Variants in SMPDL3B observed in about 807,000 individuals in gnomAD.
SMPDL3B encodes acid sphingomyelinase-like phosphodiesterase 3b.
SMPDL3B carries 31 observed loss-of-function variants against 37.9 expected under a neutral mutation model. The ratio of observed to expected loss-of-function variants is 0.82; its 90% CI spans 0.61 to 1.10. SMPDL3B has a LOEUF of 1.10. Among genes scored for constraint, SMPDL3B ranks in the 50% least tolerant of loss-of-function variants. SMPDL3B has a pLI of 0.00. For synonymous variants in SMPDL3B, 235 were observed against 242.6 expected (o/e 0.97, Z 0.29); for missense variants, 525 against 597.8 (o/e 0.88, Z 1.27).
intron 2 of SMPDL3B, 63 bp from the exon 3 acceptor site, chr1:27,949,002 C>A: frequency 1.2e-6 from 2 of 1,611,720 alleles, no homozygotes; most frequent in Non-Finnish European, 1.7e-6. Context: ...AGAGCTGTCC[C>A]TTCCTTTTCT....
intron 1 of SMPDL3B, among the ~76,000 whole-genome samples, chr1:27,936,882 G>A (rs1007195814): frequency 3.9e-5 from 6 of 152,094 alleles, no homozygotes; most frequent in South Asian, 2.1e-4. Context: ...TTAGCCAGGC[G>A]TGGTGATGAG....
rs76374093 is a variant in SMPDL3B, at chr1:27,945,199, C to T, written c.62-33C>T. 1 of 1,606,400 alleles carries T rather than the reference C, an allele frequency of 6.2e-7. No individual in the cohort carries two copies. The highest frequency in any genetic ancestry group is 8.5e-7 in the Non-Finnish European group (1 of 1,173,390). On this transcript the variant is annotated intron_variant, in intron 1 of 7. Transcript: ENST00000373894. This position sits in a 1 kb window ranked among gnomAD's most constrained non-coding sequence, Gnocchi z 4.0. ...CTTGCTTCCAGGCTGAGAGAGAGAC[C>T]AGCTTTGAAGGAGGATGTTTTTTCC...
chr1:27,943,679 C>A (rs79929012), intron 1 of SMPDL3B, among the ~76,000 whole-genome samples: 3,238 of 152,216 alleles, frequency 0.021, 114 homozygotes, highest in African/African-American at 0.074. Context: ...ATCTGCTCAA[C>A]CCTCCTTCAG....
Position 27,954,378 on chromosome 1 carries a change from CG to C in SMPDL3B, c.545del (p.Gly182ValfsTer22). On this transcript the variant is annotated frameshift_variant, in exon 5 of 8. Transcript: ENST00000373894. LOFTEE classifies it high-confidence loss of function. Reference protein sequence around the residue: ...KKGAFYCEKLPGPSGAGRIVV... With the variant: ...KKGAFYCEKLXGPSGAGRIVV... ...GGTGCCTTCTACTGTGAGAAGCTGC[CG>C]GGTCCCAGCGGGGCTGGGCGAATTG... is the stretch of plus-strand genomic sequence containing the variant. 1 of 1,613,926 alleles carries C rather than the reference CG, an allele frequency of 6.2e-7. No individual in the cohort carries two copies. Among genetic ancestry groups the C allele is most frequent in the African/African-American group, 1.3e-5 (1 of 75,012 alleles).
intron 7 of SMPDL3B, among the ~76,000 whole-genome samples, chr1:27,957,790 C>T (rs1450223556): frequency 6.6e-6 from 1 of 152,180 alleles, no homozygotes; most frequent in African/African-American, 2.4e-5. Context: ...ATCCTGGCTC[C>T]ACCACTCATA....
rs752848945 is a variant in SMPDL3B, at chr1:27,955,947, A to G, written c.872-2A>G. 1.2e-6 allele frequency: 2 copies of G among 1,613,838 alleles called. No homozygotes were observed. The highest frequency in any genetic ancestry group is 1.7e-6 in the Non-Finnish European group (2 of 1,179,974). ...TCAGTCCTGCTGTCTCTCTCCTGACAGGTGTCCCCATAAGCGCCATGTTCA... is the reference window on the plus strand; with the variant it reads ...TCAGTCCTGCTGTCTCTCTCCTGACGGGTGTCCCCATAAGCGCCATGTTCA... On this transcript the variant is annotated splice_acceptor_variant, in intron 6 of 7. Coordinates refer to ENST00000373894, the MANE Select transcript of SMPDL3B (RefSeq NM_014474.4). LOFTEE classifies it high-confidence loss of function.
rs760253353 is a variant in SMPDL3B, at chr1:27,958,814, G to C, written c.1344G>C (p.Leu448=). 3 of 1,603,640 alleles carry C rather than the reference G, an allele frequency of 1.9e-6. No homozygotes were observed. The highest frequency in any genetic ancestry group is 2.6e-6 in the Non-Finnish European group (3 of 1,173,610). The change falls in exon 8 of 8, where the codon CTG becomes CTC. Residue 448 remains leucine, a synonymous_variant. Transcript: ENST00000373894. This position sits in a 1 kb window ranked among gnomAD's most constrained non-coding sequence, Gnocchi z 5.6. The stretch of plus-strand genomic sequence containing the variant: ...TCCCGCTGCTGCTGATGGCCCTGCT[G>C]GGCCTGTGCACGCTCGTGCTGTGAC... ...PQLPLLLMAL[L]GLCTLVL
intron 3 of SMPDL3B, among the ~76,000 whole-genome samples, chr1:27,950,174 C>T (rs1471001007): frequency 6.6e-6 from 1 of 152,186 alleles, no homozygotes; most frequent in Non-Finnish European, 1.5e-5. Flanking sequence ...CAAAGTCAAT[C>T]TAGGCAAAGA....
chr1:27,951,804 G>A (rs531030725), intron 3 of SMPDL3B, among the ~76,000 whole-genome samples: 2 of 152,302 alleles, frequency 1.3e-5, no homozygotes, highest in South Asian at 2.1e-4. Context: ...AGCTATGATC[G>A]TGCCACTGCA....
intron 1 of SMPDL3B, among the ~76,000 whole-genome samples, chr1:27,935,809 C>T (rs1258217528): frequency 6.6e-6 from 1 of 152,166 alleles, no homozygotes; most frequent in Non-Finnish European, 1.5e-5. Context: ...CAAGTGGAGC[C>T]TTGAGGCAGT....
intron 7 of SMPDL3B, chr1:27,956,353 A>C: frequency 1.5e-6 from 2 of 1,332,182 alleles, no homozygotes; most frequent in South Asian, 3.0e-5. Context: ...GCTATGGCCC[A>C]TCCGCTACAC....
chr1:27,944,052 G>A (rs943009182), intron 1 of SMPDL3B, among the ~76,000 whole-genome samples: 16 of 150,476 alleles, frequency 1.1e-4, no homozygotes, highest in East Asian at 3.9e-4. Flanking sequence ...GTGCCAGGCC[G>A]TGTTGGGTTC....
At chr1:27,956,182 G>A (rs1460763535) in intron 7 of SMPDL3B, 100 bp downstream of exon 7, 3 of 1,609,550 alleles carry the variant, frequency 1.9e-6, no homozygotes, top group East Asian at 4.5e-5. Context: ...CCTGACCACT[G>A]AGCCTCAGGA....
chr1:27,958,441 G>T lies in SMPDL3B; in HGVS notation c.1006-35G>T, dbSNP rs757895611. ...AGGATGGGGATGGAAGCAGACAACT[G>T]CTCACAGCCGGTCTACCCCAAACCC... On this transcript the variant is annotated intron_variant, in intron 7 of 7. Transcript: ENST00000373894. The surrounding 1 kb of genome is among the most constrained non-coding windows in gnomAD (Gnocchi z 5.6). 1 of 1,564,304 alleles carries T rather than the reference G, an allele frequency of 6.4e-7. No homozygotes were observed. The highest frequency in any genetic ancestry group is 1.2e-5 in the South Asian group (1 of 84,532).
chr1:27,958,738 AC>A lies in SMPDL3B; in HGVS notation c.1269del (p.Asp423GlufsTer22), dbSNP rs752566557. 7.4e-6 allele frequency: 12 copies of A among 1,613,668 alleles called. No individual in the cohort carries two copies. The African/African-American group carries it at 1.5e-4, about 20-fold the overall frequency. ...HVCAMRQVDI[D>X]AYTTCLYASG... Reference sequence around the variant, plus strand: ...TGTGCCATGCGCCAGGTGGACATTGACGCTTACACCACCTGTCTGTATGCCT... The same window carrying A: ...TGTGCCATGCGCCAGGTGGACATTGAGCTTACACCACCTGTCTGTATGCCT... On this transcript the variant is annotated frameshift_variant, in exon 8 of 8. Coordinates refer to ENST00000373894, the MANE Select transcript of SMPDL3B (RefSeq NM_014474.4). LOFTEE classifies it low-confidence loss of function (END_TRUNC). This position sits in a 1 kb window ranked among gnomAD's most constrained non-coding sequence, Gnocchi z 5.6.
chr1:27,952,876 G>A (rs1488629644), intron 3 of SMPDL3B, among the ~76,000 whole-genome samples: 1 of 152,246 alleles, frequency 6.6e-6, no homozygotes, highest in African/African-American at 2.4e-5. Context: ...GGAATCAACA[G>A]GAATTGGGAA....
rs1362822526 is a variant in SMPDL3B, at chr1:27,945,357, C to T, written c.187C>T (p.Leu63Phe). 1 of 1,614,192 alleles carries T rather than the reference C, an allele frequency of 6.2e-7. No homozygotes were observed. The highest frequency in any genetic ancestry group is 1.3e-5 in the African/African-American group (1 of 75,042). Residue 63 changes from leucine to phenylalanine, a missense_variant, in exon 2 of 8, where the codon CTC becomes TTC. Coordinates refer to ENST00000373894, the MANE Select transcript of SMPDL3B (RefSeq NM_014474.4). The surrounding 1 kb of genome is among the most constrained non-coding windows in gnomAD (Gnocchi z 4.0). Reference sequence around the variant, plus strand: ...CGACGCAGGCCCCTGGGGTGACTACCTCTGTGATTCTCCCTGGGCCCTCAT... The same window carrying T: ...CGACGCAGGCCCCTGGGGTGACTACTTCTGTGATTCTCCCTGGGCCCTCAT... ...VPDAGPWGDY[L>F]CDSPWALINS...
intron 3 of SMPDL3B, 45 bp downstream of exon 3, chr1:27,949,207 A>G: frequency 6.3e-7 from 1 of 1,596,036 alleles, no homozygotes; most frequent in Non-Finnish European, 8.6e-7. Context: ...TCGGAACTCT[A>G]GGCACTGCCT....
rs1434825717 is a variant in SMPDL3B at position 27,954,467 on chromosome 1, G to A, written c.631G>A (p.Gly211Ser). The A allele has an allele frequency of 2.5e-6, 4 of 1,614,086 alleles. No individual in the cohort carries two copies. Among genetic ancestry groups the A allele is most frequent in the Non-Finnish European group, 3.4e-6 (4 of 1,180,032 alleles). The change falls in exon 5 of 8, where the codon GGC becomes AGC. Residue 211 changes from glycine to serine, a missense_variant. Physicochemically the swap from Gly to Ser is moderately conservative, Grantham distance 56 (BLOSUM62 0). Transcript: ENST00000373894. ...GCTGACAGCAGACATGGCGGACCCT[G>A]GCCAGCAGTTCCAGTGGCTGGAAGA... is the stretch of plus-strand genomic sequence containing the variant. ...NALTADMADP[G>S]QQFQWLEDVL...
Sources: allele counts gnomAD v4.1 joint callset (sites outside exome capture counted in the v4.1 genomes callset), GRCh38; gene constraint gnomAD v4.1.1; non-coding constraint Gnocchi (gnomAD v3.1); transcripts MANE v1.5; gene names NCBI Gene and HGNC (gene_info 2026-07-23, HGNC 2026-07-21).